The following ZNF66 variants were observed in gnomAD, a reference collection of about 807,000 sequenced individuals.
The protein encoded by ZNF66 is putative zinc finger protein 66.
A neutral mutation model predicts 35.2 loss-of-function variants in ZNF66; 32 were observed. That is an observed-to-expected ratio of 0.91 (90% confidence interval 0.69 to 1.22). The LOEUF is 1.22. ZNF66 is among the 50% of genes most tolerant of loss of function. ZNF66 has a pLI of 0.00. For synonymous variants in ZNF66, 231 were observed against 181.3 expected (o/e 1.27, Z -2.20); for missense variants, 666 against 543.1 (o/e 1.23, Z -2.25).
intron 1 of ZNF66, among the ~76,000 whole-genome samples, chr19:20,781,354 AG>A (rs1362265229): frequency 6.6e-6 from 1 of 152,164 alleles, no homozygotes; most frequent in Non-Finnish European, 1.5e-5. Context: ...AGCACCAAAC[AG>A]GTATGTTTTC....
chr19:20,777,920 TGTG>T (rs1372062306), intron 1 of ZNF66, among the ~76,000 whole-genome samples: 2 of 152,116 alleles, frequency 1.3e-5, no homozygotes, highest in Non-Finnish European at 1.5e-5. Context: ...CACAGGAAAA[TGTG>T]GTAGATAATT....
At chr19:20,788,522 A>G (rs1971307567) in intron 1 of ZNF66, among the ~76,000 whole-genome samples, 1 of 152,030 alleles carries the variant, frequency 6.6e-6, no homozygotes, top group African/African-American at 2.4e-5. Flanking sequence ...CTCCTGCTTC[A>G]GCCTCCTGAG....
chr19:20,787,114 C>G (rs949097492), intron 1 of ZNF66, among the ~76,000 whole-genome samples: 1 of 152,234 alleles, frequency 6.6e-6, no homozygotes, highest in Admixed American at 6.5e-5. Flanking sequence ...AATTAATAAT[C>G]AATGCTATTT....
At chr19:20,794,751 A>G (rs2144905382) in intron 3 of ZNF66, among the ~76,000 whole-genome samples, 1 of 151,864 alleles carries the variant, frequency 6.6e-6, no homozygotes, top group Non-Finnish European at 1.5e-5. Flanking sequence ...CCATACATAT[A>G]CTTGTGTGTT....
chr19:20,787,619 G>T (rs1599547832), intron 1 of ZNF66, among the ~76,000 whole-genome samples: 1 of 152,130 alleles, frequency 6.6e-6, no homozygotes, highest in South Asian at 2.1e-4. Flanking sequence ...TTCACATCTT[G>T]TTCATTGACC....
At chr19:20,779,778 A>T (rs1444653965) in intron 1 of ZNF66, among the ~76,000 whole-genome samples, 1 of 149,444 alleles carries the variant, frequency 6.7e-6, no homozygotes, top group Non-Finnish European at 1.5e-5. Context: ...AAAAAAAAAA[A>T]ATCAACAGGT....
At chr19:20,785,985 C>T (rs1017960569) in intron 1 of ZNF66, among the ~76,000 whole-genome samples, 8 of 150,934 alleles carry the variant, frequency 5.3e-5, no homozygotes, top group Non-Finnish European at 7.4e-5. Flanking sequence ...TGGTCTCAAA[C>T]TCCTGACCTC....
chr19:20,790,626 G>T (rs983503918), intron 1 of ZNF66, among the ~76,000 whole-genome samples: 2 of 151,958 alleles, frequency 1.3e-5, no homozygotes, highest in Admixed American at 1.3e-4. Context: ...TCTGCCAATT[G>T]ATGCCATGCT....
chr19:20,787,761 C>T (rs1254125499), intron 1 of ZNF66, among the ~76,000 whole-genome samples: 1 of 152,198 alleles, frequency 6.6e-6, no homozygotes, highest in African/African-American at 2.4e-5. Context: ...ATTATAATTA[C>T]CTGTAAAGTG....
At chr19:20,778,607 A>G (rs1259864494) in intron 1 of ZNF66, among the ~76,000 whole-genome samples, 1 of 151,848 alleles carries the variant, frequency 6.6e-6, no homozygotes, top group Non-Finnish European at 1.5e-5. Context: ...AACATGGTGA[A>G]ACTCATCTCT....
chr19:20,803,203 G>A (rs1215445921), intron 3 of ZNF66, among the ~76,000 whole-genome samples: 1 of 142,788 alleles, frequency 7.0e-6, no homozygotes, highest in Non-Finnish European at 1.6e-5. Context: ...TATGTCTCTT[G>A]ATTTGGAGAG....
At chr19:20,794,245 G>GT (rs906785650) in intron 3 of ZNF66, 60 of 220,214 alleles carry the variant, frequency 2.7e-4, no homozygotes, top group African/African-American at 1.1e-3. Flanking sequence ...CTATTTTTTA[G>GT]TTTTCTTTTT....
Position 20,789,728 on chromosome 19 carries a change from T to A in ZNF66, c.4-2784T>A, listed in dbSNP as rs1382417463. 2.0e-5 allele frequency among the ~76,000 whole-genome samples: 3 copies of A among 152,318 alleles called. No homozygotes were observed. The East Asian group carries it at 5.8e-4, about 29-fold the overall frequency. ...AAGAAATAGAGATTCTGGGCCCTTT[T>A]TTGAAATCCTGGAAATTATTAAACC... On this transcript the variant is annotated intron_variant, in intron 1 of 3. Transcript: ENST00000344519.
chr19:20,776,345 C>A lies in ZNF66; in HGVS notation c.-103C>A. The A allele has an allele frequency of 6.8e-7, 1 of 1,480,784 alleles. No individual in the cohort carries two copies. The highest frequency in any genetic ancestry group is 9.4e-7 in the Non-Finnish European group (1 of 1,061,730). The allele number at this position is 1,480,784 out of a possible 1,614,324, so 91.7% of individuals were successfully genotyped here. A position where few individuals can be genotyped will look rare whatever the true frequency, so the allele number is the denominator to read the frequency against. Reference sequence around the variant, plus strand: ...GGAGCTCCAGGTCGTCTGTTCACTGCTCTCTGTCTTCTTCTCCTAGAGGCC... The same window carrying A: ...GGAGCTCCAGGTCGTCTGTTCACTGATCTCTGTCTTCTTCTCCTAGAGGCC... On this transcript the variant is annotated 5_prime_UTR_variant, in exon 1 of 4. Transcript: ENST00000344519.
chr19:20,808,157 G>A lies in ZNF66; in HGVS notation c.*835G>A, dbSNP rs1170055532. On this transcript the variant is annotated 3_prime_UTR_variant, in exon 4 of 4. Transcript: ENST00000344519. ...CTGCAAGGCAGCAGCGAGGCTGGGG[G>A]AGGAGCGCCTGCCATTGCCCAGGCT... 2.0e-5 allele frequency among the ~76,000 whole-genome samples: 3 copies of A among 152,194 alleles called. No individual in the cohort carries two copies. Among genetic ancestry groups the A allele is most frequent in the Non-Finnish European group, 2.9e-5 (2 of 68,040 alleles).
chr19:20,802,483 A>T (rs150303173), intron 3 of ZNF66, among the ~76,000 whole-genome samples: 1 of 149,674 alleles, frequency 6.7e-6, no homozygotes, highest in Non-Finnish European at 1.5e-5. Context: ...ATTTCCATAT[A>T]TTTGTAAATT....
Position 20,806,906 on chromosome 19 carries a change from C to G in ZNF66, c.1306C>G (p.Arg436Gly). 1 of 1,267,310 alleles carries G rather than the reference C, an allele frequency of 7.9e-7. No individual in the cohort carries two copies. The highest frequency in any genetic ancestry group is 1.2e-6 in the Non-Finnish European group (1 of 868,194). The allele number at this position is 1,267,310 out of a possible 1,614,324, so 78.5% of individuals were successfully genotyped here. Residue 436 changes from arginine (R) to glycine (G), a missense_variant, in exon 4 of 4, where the codon CGG becomes GGG. Coordinates refer to ENST00000344519, the MANE Select transcript of ZNF66 (RefSeq NM_001355197.2). Reference sequence around the variant, plus strand: ...TGAAGAATGTGGCAAAGCCTTCAGTCGGTCCTCTATTCTTACTACACATAA... The same window carrying G: ...TGAAGAATGTGGCAAAGCCTTCAGTGGGTCCTCTATTCTTACTACACATAA... ...KCEECGKAFSRSSILTTHKII... is the reference protein window; with the variant it reads ...KCEECGKAFSGSSILTTHKII...
At position 20,797,366 on chromosome 19, in the gene ZNF66, C is replaced by G. The variant is rs1254170617; in HGVS notation, c.226+3488C>G. Among the ~76,000 whole-genome samples the G allele has an allele frequency of 7.1e-4, 99 of 139,410 alleles. 8 individuals are homozygous for G. Among genetic ancestry groups the G allele is most frequent in the Non-Finnish European group, 1.4e-3 (86 of 63,640 alleles). The allele number at this position is 139,410 out of a possible 152,430, so 91.5% of individuals were successfully genotyped here. The stretch of plus-strand genomic sequence containing the variant: ...GGACTACAGGCGCCCGCCACCTCGC[C>G]CGGCTAATTTTTTGTATTTTTAGTA... On this transcript the variant is annotated intron_variant, in intron 3 of 3. Transcript: ENST00000344519.
chr19:20,795,516 C>A (rs1450676826), intron 3 of ZNF66, among the ~76,000 whole-genome samples: 1 of 150,134 alleles, frequency 6.7e-6, no homozygotes, highest in Non-Finnish European at 1.5e-5. Context: ...TACAGGCATG[C>A]GCCACCATGC....
Sources: allele counts gnomAD v4.1 joint callset (sites outside exome capture counted in the v4.1 genomes callset), GRCh38; gene constraint gnomAD v4.1.1; transcripts MANE v1.5; gene names NCBI Gene and HGNC (gene_info 2026-07-23, HGNC 2026-07-21).